The following EPB41L3 variants were observed in gnomAD, a reference collection of about 807,000 sequenced individuals.
The protein encoded by EPB41L3 is erythrocyte membrane protein band 4.1 like 3.
Under a neutral mutation model 127.1 loss-of-function variants are expected in EPB41L3, and 57 were observed. That is an observed-to-expected ratio of 0.45 (90% CI 0.36 to 0.56). EPB41L3 has a LOEUF of 0.56. Among genes scored for constraint, EPB41L3 ranks in the 20% least tolerant of loss-of-function variants. The probability of loss-of-function intolerance (pLI) is 0.00; values close to 1 mark genes in which losing one functional copy is unlikely to be tolerated. For missense variants in EPB41L3, 1,273 were observed against 1,372.2 expected (o/e 0.93, Z 1.14); for synonymous variants, 572 against 549.5 (o/e 1.04, Z -0.57).
intron 1 of EPB41L3, among the ~76,000 whole-genome samples, chr18:5,532,488 C>T (rs932003759): frequency 5.3e-5 from 8 of 152,226 alleles, no homozygotes; most frequent in African/African-American, 1.9e-4. Context: ...GTGTGTATCT[C>T]AGTACTTTGA....
intron 1 of EPB41L3, among the ~76,000 whole-genome samples, chr18:5,492,493 T>C (rs1315792192): frequency 8.2e-6 from 1 of 121,298 alleles, no homozygotes; most frequent in Non-Finnish European, 1.6e-5. Context: ...CCTTGCTTTC[T>C]AGGATGGTGC....
At chr18:5,572,849 C>T (rs998559631) in intron 3 of EPB41L3, among the ~76,000 whole-genome samples, 1 of 152,184 alleles carries the variant, frequency 6.6e-6, no homozygotes, top group African/African-American at 2.4e-5. Flanking sequence ...GCTGGGATTA[C>T]AGGCATGAGC....
intron 3 of EPB41L3, among the ~76,000 whole-genome samples, chr18:5,468,971 A>T (rs1483229785): frequency 6.6e-6 from 1 of 152,020 alleles, no homozygotes; most frequent in Non-Finnish European, 1.5e-5. Flanking sequence ...CAAAAAACAA[A>T]AAGAGGAAAA....
rs144288395 is a variant in EPB41L3, at chr18:5,441,755, C to T, written c.529+2083G>A. ...CTGGGATTACAGGCGTGAGCCACCG[C>T]GCCCGGCCTCGAATTCCATTTTTAA... On this transcript the variant is annotated intron_variant, in intron 5 of 22. Transcript: ENST00000341928. 9.9e-4 allele frequency among the ~76,000 whole-genome samples: 151 copies of T among 152,326 alleles called. 1 individual carries two copies. In the East Asian group the frequency reaches 0.016, roughly 16 times the overall value.
chr18:5,409,874 T>C (rs1235147025), intron 14 of EPB41L3, among the ~76,000 whole-genome samples: 2 of 152,102 alleles, frequency 1.3e-5, no homozygotes, highest in African/African-American at 4.8e-5. Flanking sequence ...TAGAGAAGAT[T>C]TGAAAAACAA....
At chr18:5,603,353 A>G (rs1048663554) in intron 3 of EPB41L3, among the ~76,000 whole-genome samples, 2 of 152,200 alleles carry the variant, frequency 1.3e-5, no homozygotes, top group African/African-American at 2.4e-5. Flanking sequence ...GGACAATGTC[A>G]GAAGGCAAGA....
chr18:5,569,526 G>A (rs568665322), intron 3 of EPB41L3, among the ~76,000 whole-genome samples: 18 of 152,302 alleles, frequency 1.2e-4, no homozygotes, highest in Non-Finnish European at 2.4e-4. Context: ...GGAAGGATGA[G>A]AAAGGTACAA....
chr18:5,612,818 G>A (rs2094743897), intron 2 of EPB41L3, among the ~76,000 whole-genome samples: 1 of 152,202 alleles, frequency 6.6e-6, no homozygotes, highest in Non-Finnish European at 1.5e-5. Context: ...TTGGCTCACT[G>A]TAATCTCCGC....
chr18:5,621,760 A>G (rs1279902379), intron 1 of EPB41L3, among the ~76,000 whole-genome samples: 1 of 152,222 alleles, frequency 6.6e-6, no homozygotes, highest in African/African-American at 2.4e-5. Flanking sequence ...AAAAGAAAGC[A>G]GATCATCCCT....
chr18:5,394,150 T>C (rs1312678892), intron 22 of EPB41L3: 1 of 152,720 alleles, frequency 6.5e-6, no homozygotes, highest in Non-Finnish European at 1.5e-5. Flanking sequence ...TGCTCAGCTT[T>C]CAAATTAAAA....
chr18:5,454,645 G>A (rs933112161), intron 3 of EPB41L3, among the ~76,000 whole-genome samples: 2 of 152,142 alleles, frequency 1.3e-5, no homozygotes, highest in Non-Finnish European at 2.9e-5. Context: ...TGAGCAATCA[G>A]CTCTTCAGAA....
chr18:5,416,119 GAGA>G lies in EPB41L3; in HGVS notation c.1763_1765del (p.Phe588del). On this transcript the variant is annotated inframe_deletion, in exon 13 of 23. Transcript: ENST00000341928. The stretch of plus-strand genomic sequence containing the variant: ...GGGGAATGACTCAGGGAGCTGCAAG[GAGA>G]AGGAGAACAGGGTGGTCCCCTTGCC... 1 of 1,613,082 alleles carries G rather than the reference GAGA, an allele frequency of 6.2e-7. No homozygotes were observed.
In EPB41L3 at chr18:5,397,521, A is replaced by G. The variant is rs1567972586; in HGVS notation, c.2473-95T>C. 7.0e-7 allele frequency: 1 copy of G among 1,423,412 alleles called. No homozygotes were observed. The highest frequency in any genetic ancestry group is 2.3e-5 in the Admixed American group (1 of 43,360). 88.2% of individuals were successfully genotyped at this position (1,423,412 alleles called of 1,614,324 possible). A position where few individuals can be genotyped will look rare whatever the true frequency, so the allele number is the denominator to read the frequency against. On this transcript the variant is annotated intron_variant, in intron 17 of 22. Coordinates refer to ENST00000341928, the MANE Select transcript of EPB41L3 (RefSeq NM_012307.5). The surrounding 1 kb of genome is among the most constrained non-coding windows in gnomAD (Gnocchi z 4.1). ...GCCACTCGCCAGGATGTCTAAAGCC[A>G]GCAGCAAGTGCTTATAACCAGAAAC...
Position 5,543,530 on chromosome 18 carries a change from G to C in EPB41L3, c.-12+383C>G, listed in dbSNP as rs2093807236. Reference sequence around the variant, plus strand: ...AACTTAAAACATGGCGCCCCGGGCGGGGGATTTGTGCAAATTGGCGGAGAA... The same window carrying C: ...AACTTAAAACATGGCGCCCCGGGCGCGGGATTTGTGCAAATTGGCGGAGAA... On this transcript the variant is annotated intron_variant, in intron 1 of 22. Coordinates refer to ENST00000341928, the MANE Select transcript of EPB41L3 (RefSeq NM_012307.5). This position sits in a 1 kb window ranked among gnomAD's most constrained non-coding sequence, Gnocchi z 5.2. 1 of 147,568 alleles carries C rather than the reference G, an allele frequency of 6.8e-6. No homozygotes were observed. Among genetic ancestry groups the C allele is most frequent in the South Asian group, 2.1e-4 (1 of 4,826 alleles). 9.1% of individuals were successfully genotyped at this position (147,568 alleles called of 1,614,324 possible).
intron 3 of EPB41L3, among the ~76,000 whole-genome samples, chr18:5,609,993 G>A (rs1417984385): frequency 2.0e-5 from 3 of 152,186 alleles, no homozygotes; most frequent in Non-Finnish European, 2.9e-5. Flanking sequence ...TCTGATGCAG[G>A]AGGACTGAGT....
chr18:5,522,970 T>A lies in EPB41L3; in HGVS notation c.-12+20943A>T, dbSNP rs189854576. ...ACATGGCTGCAATACTAGTTAAAAG[T>A]GACTGAGCTGGTATTATATGTAGAG... On this transcript the variant is annotated intron_variant, in intron 1 of 22. Transcript: ENST00000341928. Among the ~76,000 whole-genome samples, 79 of 152,282 alleles carry A rather than the reference T, an allele frequency of 5.2e-4. 1 individual carries two copies. The highest frequency in any genetic ancestry group is 6.8e-3 in the Middle Eastern group (2 of 294).
chr18:5,551,387 A>C (rs1012076097), intron 3 of EPB41L3, among the ~76,000 whole-genome samples: 1 of 152,168 alleles, frequency 6.6e-6, no homozygotes, highest in African/African-American at 2.4e-5. Flanking sequence ...GTTCTCAACC[A>C]CAGCTGCACA....
At chr18:5,498,594 CAAAAAAAA>C (rs397828412) in intron 1 of EPB41L3, among the ~76,000 whole-genome samples, 10 of 70,502 alleles carry the variant, frequency 1.4e-4, no homozygotes, top group African/African-American at 4.7e-4. Flanking sequence ...GACTCCATCT[CAAAAAAAA>C]AAAAAAAAAG....
intron 1 of EPB41L3, among the ~76,000 whole-genome samples, chr18:5,520,668 A>G (rs2092952275): frequency 6.6e-6 from 1 of 152,182 alleles, no homozygotes; most frequent in Admixed American, 6.5e-5. Context: ...AAAAAATTAA[A>G]ACATGTCATA....
Sources: gnomAD v4.1 joint callset for allele counts (sites outside exome capture counted in the v4.1 genomes callset) on GRCh38, gnomAD v4.1.1 for gene constraint, Gnocchi (gnomAD v3.1) non-coding constraint, MANE v1.5 for transcripts, NCBI Gene and HGNC (gene_info 2026-07-23, HGNC 2026-07-21) for gene names.